MTUS2: variants seen among roughly 807,000 people sequenced by gnomAD.
The protein encoded by MTUS2 is microtubule associated scaffold protein 2.
MTUS2 carries 40 observed loss-of-function variants against 114.1 expected under a neutral mutation model. The ratio of observed to expected loss-of-function variants is 0.35; its 90% confidence interval spans 0.27 to 0.46. The LOEUF (loss-of-function observed/expected upper bound fraction) is 0.46. Among genes scored for constraint, MTUS2 ranks in the 20% least tolerant of loss-of-function variants. The pLI, the probability that MTUS2 is intolerant of heterozygous loss-of-function variation, is 1.00. For synonymous variants in MTUS2, 688 were observed against 672.0 expected, an observed-to-expected ratio of 1.02 and a Z score of -0.37; for missense variants, 1,679 against 1,705.4, an observed-to-expected ratio of 0.98 and a Z score of 0.27.
intron 2 of MTUS2, among the ~76,000 whole-genome samples, chr13:29,004,354 C>G (rs1885513433): frequency 6.6e-6 from 1 of 151,936 alleles, no homozygotes; most frequent in African/African-American, 2.4e-5. Context: ...GTTTGAAAGT[C>G]TTGTCCTACA....
At chr13:29,446,299 A>T (rs1188339253) in intron 9 of MTUS2, among the ~76,000 whole-genome samples, 1 of 152,210 alleles carries the variant, frequency 6.6e-6, no homozygotes, top group Non-Finnish European at 1.5e-5. Flanking sequence ...CAGAGAAGTC[A>T]TAGGGTTTTA....
chr13:29,280,845 T>C (rs758344721), intron 5 of MTUS2, among the ~76,000 whole-genome samples: 26 of 152,338 alleles, frequency 1.7e-4, no homozygotes, highest in Middle Eastern at 6.8e-3. Context: ...GAATAGATAG[T>C]GATGTCATTG....
chr13:29,236,432 A>G (rs2139379194), intron 5 of MTUS2, among the ~76,000 whole-genome samples: 1 of 152,360 alleles, frequency 6.6e-6, no homozygotes, highest in African/African-American at 2.4e-5. Flanking sequence ...CTCAAGCCCT[A>G]GTACAACCTA....
intron 5 of MTUS2, among the ~76,000 whole-genome samples, chr13:29,211,423 C>T (rs1593609229): frequency 6.6e-6 from 1 of 152,416 alleles, no homozygotes; most frequent in Admixed American, 6.5e-5. Flanking sequence ...CCTGCAGCAG[C>T]TTCTGTGCGC....
intron 2 of MTUS2, among the ~76,000 whole-genome samples, chr13:29,020,150 C>T (rs1415576097): frequency 6.6e-6 from 1 of 152,112 alleles, no homozygotes; most frequent in Non-Finnish European, 1.5e-5. Flanking sequence ...ACATTCCTTT[C>T]AAACTAGTAC....
chr13:29,328,711 G>A (rs958193219), intron 7 of MTUS2, among the ~76,000 whole-genome samples: 3 of 152,144 alleles, frequency 2.0e-5, no homozygotes, highest in African/African-American at 7.2e-5. Context: ...GCCTAGAAAG[G>A]GAGAGGTCTG....
intron 2 of MTUS2, among the ~76,000 whole-genome samples, chr13:28,976,663 TTAAAA>T (rs1884122182): frequency 6.6e-6 from 1 of 152,194 alleles, no homozygotes; most frequent in Non-Finnish European, 1.5e-5. Flanking sequence ...CATTTAGAAG[TTAAAA>T]TAAGTAGGAC....
At chr13:29,252,156 G>A (rs904230370) in intron 5 of MTUS2, among the ~76,000 whole-genome samples, 2 of 152,058 alleles carry the variant, frequency 1.3e-5, no homozygotes, top group African/African-American at 4.8e-5. Flanking sequence ...ACAGGTAATA[G>A]TATTTTTATA....
intron 2 of MTUS2, among the ~76,000 whole-genome samples, chr13:28,961,321 A>G (rs1000524083): frequency 6.6e-6 from 1 of 152,216 alleles, no homozygotes; most frequent in African/African-American, 2.4e-5. Flanking sequence ...AGAAATCCAC[A>G]CCAGAACATA....
intron 2 of MTUS2, among the ~76,000 whole-genome samples, chr13:28,883,220 C>T (rs1453239353): frequency 6.6e-6 from 1 of 152,184 alleles, no homozygotes; most frequent in Non-Finnish European, 1.5e-5. Context: ...AATAGTACAG[C>T]CACCTTGGAA....
At chr13:29,267,612 A>C (rs1356424947) in intron 5 of MTUS2, among the ~76,000 whole-genome samples, 2 of 152,242 alleles carry the variant, frequency 1.3e-5, no homozygotes, top group African/African-American at 4.8e-5. Context: ...AGGTTGTTCC[A>C]GCGGGCACAT....
chr13:29,280,045 G>A (rs1327325514), intron 5 of MTUS2, among the ~76,000 whole-genome samples: 2 of 152,194 alleles, frequency 1.3e-5, no homozygotes, highest in African/African-American at 4.8e-5. Context: ...AATATTTCTA[G>A]TGGTTGAGCC....
chr13:28,871,532 C>A (rs1198495675), intron 2 of MTUS2, among the ~76,000 whole-genome samples: 1 of 152,176 alleles, frequency 6.6e-6, no homozygotes, highest in Non-Finnish European at 1.5e-5. Context: ...TACATTCATT[C>A]ATTTACCCCA....
chr13:29,283,984 A>G (rs990427624), intron 6 of MTUS2, among the ~76,000 whole-genome samples: 7 of 152,198 alleles, frequency 4.6e-5, no homozygotes, highest in African/African-American at 1.7e-4. Context: ...AAATGGTACA[A>G]AGAGGAAGAG....
intron 1 of MTUS2, among the ~76,000 whole-genome samples, chr13:28,825,691 T>C (rs1874222771): frequency 6.6e-6 from 1 of 152,188 alleles, no homozygotes. Flanking sequence ...TTACAGCCTT[T>C]CTATACTCAT....
intron 5 of MTUS2, among the ~76,000 whole-genome samples, chr13:29,255,938 C>T (rs1223916650): frequency 6.6e-6 from 1 of 152,146 alleles, no homozygotes; most frequent in African/African-American, 2.4e-5. Flanking sequence ...TATTATCTGG[C>T]CTGGTTCAAA....
chr13:29,422,821 A>G lies in MTUS2; in HGVS notation c.3118-17162A>G, dbSNP rs111983614. Among the ~76,000 whole-genome samples the G allele has an allele frequency of 3.8e-3, 577 of 151,980 alleles. 6 individuals are homozygous for G. The highest frequency in any genetic ancestry group is 0.013 in the African/African-American group (555 of 41,488). On this transcript the variant is annotated intron_variant, in intron 8 of 15. Transcript: ENST00000612955. Reference sequence around the variant, plus strand: ...TAGGATTACAATTTTTAATAGAGACAGGGTTTCACCCTGTTGGCCAGGCTG... The same window carrying G: ...TAGGATTACAATTTTTAATAGAGACGGGGTTTCACCCTGTTGGCCAGGCTG...
intron 2 of MTUS2, among the ~76,000 whole-genome samples, chr13:28,869,024 T>C (rs1037112052): frequency 1.3e-5 from 2 of 152,202 alleles, no homozygotes; most frequent in African/African-American, 4.8e-5. Context: ...TTAACTTGTA[T>C]CCAGAGCATT....
intron 2 of MTUS2, among the ~76,000 whole-genome samples, chr13:28,974,692 A>C (rs576105418): frequency 6.6e-6 from 1 of 152,310 alleles, no homozygotes; most frequent in East Asian, 1.9e-4. Flanking sequence ...TAGAATTGAA[A>C]ATCTGAGTTA....
Sources: gnomAD v4.1 joint callset for allele counts (sites outside exome capture counted in the v4.1 genomes callset) on GRCh38, gnomAD v4.1.1 for gene constraint, MANE v1.5 for transcripts, NCBI Gene and HGNC (gene_info 2026-07-23, HGNC 2026-07-21) for gene names.